The following PREX2 variants were observed in gnomAD, a reference collection of about 807,000 sequenced individuals.
PREX2 encodes phosphatidylinositol-3,4,5-trisphosphate dependent Rac exchange factor 2.
Under a neutral mutation model 203.2 loss-of-function variants are expected in PREX2, and 107 were observed. That is an observed-to-expected ratio of 0.53 (90% CI 0.45 to 0.62). The LOEUF (loss-of-function observed/expected upper bound fraction) is 0.62, where lower values mean the gene tolerates loss of function less well. Among genes scored for constraint, PREX2 ranks in the 20% least tolerant of loss-of-function variants. PREX2 has a pLI of 0.00. For synonymous variants in PREX2, 672 were observed against 663.6 expected (o/e 1.01, Z -0.19); for missense variants, 1,777 against 1,955.9 (o/e 0.91, Z 1.72).
At chr8:67,980,725 C>T (rs140408849) in intron 1 of PREX2, among the ~76,000 whole-genome samples, 4 of 152,316 alleles carry the variant, frequency 2.6e-5, no homozygotes, top group African/African-American at 9.6e-5. Flanking sequence ...TGAGCTCTCA[C>T]TAGATCTGAT....
chr8:68,052,424 A>G lies in PREX2; in HGVS notation c.944-673A>G, dbSNP rs904204758. Among the ~76,000 whole-genome samples the G allele has an allele frequency of 3.9e-5, 6 of 152,348 alleles. No individual in the cohort carries two copies. In the East Asian group the frequency reaches 1.2e-3, roughly 29 times the overall value. Reference sequence around the variant, plus strand: ...CCAGCATGACAGTTTACCTAAAATTATAGTGAGGTATCAAAAAAGACAATT... The same window carrying G: ...CCAGCATGACAGTTTACCTAAAATTGTAGTGAGGTATCAAAAAAGACAATT... On this transcript the variant is annotated intron_variant, in intron 8 of 39. Coordinates refer to ENST00000288368, the MANE Select transcript of PREX2 (RefSeq NM_024870.4).
At chr8:68,081,985 C>T (rs1237816936) in intron 17 of PREX2, among the ~76,000 whole-genome samples, 1 of 152,068 alleles carries the variant, frequency 6.6e-6, no homozygotes, top group Non-Finnish European at 1.5e-5. Flanking sequence ...GCATGAGACA[C>T]TGCACCCAGC....
intron 35 of PREX2, among the ~76,000 whole-genome samples, chr8:68,169,087 G>A (rs1434391174): frequency 6.6e-6 from 1 of 152,104 alleles, no homozygotes; most frequent in African/African-American, 2.4e-5. Flanking sequence ...GGGATTACAG[G>A]TCCTGAAGAT....
chr8:67,999,478 C>CAAAAAAAAAAAAAAAAAAAA lies in PREX2; in HGVS notation c.142-18351_142-18350insAAAAAAAAAAAAAAAAAAAA. Among the ~76,000 whole-genome samples, 2 of 92,092 alleles carry CAAAAAAAAAAAAAAAAAAAA rather than the reference C, an allele frequency of 2.2e-5. 1 individual carries two copies. Among genetic ancestry groups the CAAAAAAAAAAAAAAAAAAAA allele is most frequent in the African/African-American group, 8.1e-5 (2 of 24,568 alleles). 60.4% of individuals were successfully genotyped at this position (92,092 alleles called of 152,430 possible). A position where few individuals can be genotyped will look rare whatever the true frequency, so the allele number is the denominator to read the frequency against. On this transcript the variant is annotated intron_variant, in intron 1 of 39. Transcript: ENST00000288368. The stretch of plus-strand genomic sequence containing the variant: ...AATCAGTAATAAATAGCCAACAAAC[C>CAAAAAAAAAAAAAAAAAAAA]AAAAAAAAAAAAAAAAAGCCCAGAA...
At chr8:68,105,474 T>G in intron 23 of PREX2, 2 of 1,150,168 alleles carry the variant, frequency 1.7e-6, no homozygotes, top group Non-Finnish European at 2.2e-6. Context: ...AGCTACAAGT[T>G]GGAAAGCCAG....
intron 15 of PREX2, among the ~76,000 whole-genome samples, chr8:68,079,740 T>TA (rs1809455418): frequency 6.6e-6 from 1 of 152,140 alleles, no homozygotes; most frequent in East Asian, 1.9e-4. Context: ...TTTTTAAAAA[T>TA]ACTAACAAAA....
At chr8:68,178,853 T>C (rs1380238920) in intron 35 of PREX2, among the ~76,000 whole-genome samples, 1 of 152,168 alleles carries the variant, frequency 6.6e-6, no homozygotes. Flanking sequence ...CTCCATAAAA[T>C]CCCAGTGAAG....
At chr8:68,101,537 G>T (rs981053013) in intron 23 of PREX2, 33 of 488,910 alleles carry the variant, frequency 6.7e-5, no homozygotes, top group Admixed American at 5.0e-4. Flanking sequence ...GGAGTTGAAG[G>T]ACAGAAGATT....
At chr8:68,208,364 A>G (rs1480510619) in intron 37 of PREX2, among the ~76,000 whole-genome samples, 2 of 152,194 alleles carry the variant, frequency 1.3e-5, no homozygotes, top group African/African-American at 2.4e-5. Flanking sequence ...ATCACGAAAC[A>G]AAGATTTTTG....
At chr8:68,077,165 T>G (rs574123528) in intron 14 of PREX2, among the ~76,000 whole-genome samples, 5 of 152,386 alleles carry the variant, frequency 3.3e-5, no homozygotes, top group Admixed American at 3.3e-4. Flanking sequence ...CAATAAAGTA[T>G]GTTTGTTTCT....
At chr8:67,982,920 C>A (rs1443728264) in intron 1 of PREX2, among the ~76,000 whole-genome samples, 1 of 152,214 alleles carries the variant, frequency 6.6e-6, no homozygotes, top group Admixed American at 6.5e-5. Flanking sequence ...CTCATTCTGG[C>A]ATGGCCTTTA....
At chr8:67,977,093 A>G (rs1466317700) in intron 1 of PREX2, among the ~76,000 whole-genome samples, 1 of 152,158 alleles carries the variant, frequency 6.6e-6, no homozygotes, top group African/African-American at 2.4e-5. Context: ...TAACCCCGCA[A>G]TGTGATGGGA....
chr8:68,021,143 G>T (rs1201716427), intron 3 of PREX2, among the ~76,000 whole-genome samples: 1 of 152,096 alleles, frequency 6.6e-6, no homozygotes, highest in East Asian at 1.9e-4. Flanking sequence ...TGTTTTAAAA[G>T]AATATCTCCT....
chr8:68,215,545 T>C (rs62520565), intron 37 of PREX2, among the ~76,000 whole-genome samples: 2 of 147,606 alleles, frequency 1.4e-5, no homozygotes, highest in South Asian at 2.2e-4. Context: ...ATTTTTTTTT[T>C]CTTTTTTTTG....
chr8:68,103,945 TCTGCAA>T, intron 23 of PREX2, among the ~76,000 whole-genome samples: 1 of 152,284 alleles, frequency 6.6e-6, no homozygotes, highest in African/African-American at 2.4e-5. Context: ...CTGTTTGACC[TCTGCAA>T]CTGGGTTTAA....
At chr8:67,961,443 C>T (rs1805630154) in intron 1 of PREX2, among the ~76,000 whole-genome samples, 1 of 151,876 alleles carries the variant, frequency 6.6e-6, no homozygotes, top group East Asian at 1.9e-4. Flanking sequence ...GAAGAATTTA[C>T]AATTTATTAA....
At chr8:68,071,261 C>T (rs1809187256) in intron 13 of PREX2, among the ~76,000 whole-genome samples, 1 of 151,990 alleles carries the variant, frequency 6.6e-6, no homozygotes, top group Non-Finnish European at 1.5e-5. Flanking sequence ...TGGGAAAAAA[C>T]CATAAAACAG....
chr8:68,098,952 A>ATATATATATATATATATATATATC (rs1810175420), intron 22 of PREX2, among the ~76,000 whole-genome samples: 1 of 82,452 alleles, frequency 1.2e-5, no homozygotes, highest in African/African-American at 3.2e-5. Flanking sequence ...ATATATATAT[A>ATATATATATATATATATATATATC]TATATATATA....
intron 18 of PREX2, among the ~76,000 whole-genome samples, chr8:68,085,025 C>G (rs1481821364): frequency 6.6e-6 from 1 of 152,118 alleles, no homozygotes; most frequent in Non-Finnish European, 1.5e-5. Context: ...TCTTCTGACT[C>G]TTCTTAGTGT....
Sources: allele counts gnomAD v4.1 joint callset (sites outside exome capture counted in the v4.1 genomes callset), GRCh38; gene constraint gnomAD v4.1.1; transcripts MANE v1.5; gene names NCBI Gene and HGNC (gene_info 2026-07-23, HGNC 2026-07-21).